The following ITPRID1 variants were observed in gnomAD, a reference collection of about 807,000 sequenced individuals.
ITPRID1 encodes the protein ITPR interacting domain containing 1.
ITPRID1 carries 96 observed loss-of-function variants against 95.4 expected under a neutral mutation model. The ratio of observed to expected loss-of-function variants is 1.01; its 90% confidence interval spans 0.85 to 1.19. ITPRID1 has a LOEUF of 1.19. Ranked by LOEUF, ITPRID1 falls within the 50% of genes most tolerant of loss-of-function variation. ITPRID1 has a pLI of 0.00. For missense variants in ITPRID1, 1,339 were observed against 1,252.9 expected, an observed-to-expected ratio of 1.07 and a Z score of -1.04; for synonymous variants, 510 against 453.6, an observed-to-expected ratio of 1.12 and a Z score of -1.58.
chr7:31,643,844 A>G lies in ITPRID1; in HGVS notation c.2474A>G (p.Glu825Gly). The change falls in exon 12 of 15, where the codon GAA becomes GGA. Residue 825 changes from glutamate to glycine, a missense_variant. Coordinates refer to ENST00000615280, the MANE Select transcript of ITPRID1 (RefSeq NM_001257967.3). ...CHGERQSPGP[E>G]PSVCRHCLCS... ...GGGGAGAGGCAAAGCCCTGGCCCTG[A>G]ACCCTCAGTCTGTAGGCACTGCCTG... 6.2e-7 allele frequency: 1 copy of G among 1,613,922 alleles called. No individual in the cohort carries two copies. The highest frequency in any genetic ancestry group is 8.5e-7 in the Non-Finnish European group (1 of 1,179,884).
chr7:31,579,065 T>C (rs1785302653), intron 9 of ITPRID1, among the ~76,000 whole-genome samples: 1 of 152,242 alleles, frequency 6.6e-6, no homozygotes, highest in Non-Finnish European at 1.5e-5. Flanking sequence ...GATTTTCACA[T>C]AGCTTGACCT....
At chr7:31,535,273 G>A (rs1783724019) in intron 1 of ITPRID1, among the ~76,000 whole-genome samples, 1 of 151,848 alleles carries the variant, frequency 6.6e-6, no homozygotes, top group African/African-American at 2.4e-5. Context: ...GGTATACTTC[G>A]AAATATCACT....
chr7:31,646,473 C>G (rs1290774339), intron 12 of ITPRID1, among the ~76,000 whole-genome samples: 3 of 152,110 alleles, frequency 2.0e-5, no homozygotes, highest in African/African-American at 7.2e-5. Context: ...GGGGAAAAGG[C>G]ACAGGAACCC....
chr7:31,588,439 T>C (rs1225725890), intron 10 of ITPRID1, among the ~76,000 whole-genome samples: 3 of 151,806 alleles, frequency 2.0e-5, no homozygotes, highest in Non-Finnish European at 4.4e-5. Flanking sequence ...GATACCAGCC[T>C]GGCCAATACG....
chr7:31,548,671 C>T (rs908336997), intron 1 of ITPRID1, among the ~76,000 whole-genome samples: 3 of 152,074 alleles, frequency 2.0e-5, no homozygotes, highest in Non-Finnish European at 2.9e-5. Flanking sequence ...GGCCCAACAG[C>T]ATGATGTGAT....
chr7:31,605,137 C>CAA (rs11462101), intron 10 of ITPRID1, among the ~76,000 whole-genome samples: 230 of 146,402 alleles, frequency 1.6e-3, no homozygotes, highest in South Asian at 7.2e-3. Context: ...GACCCCATCT[C>CAA]AAAAAAAAAA....
chr7:31,636,896 C>T (rs1434885812), intron 10 of ITPRID1, among the ~76,000 whole-genome samples: 4 of 123,764 alleles, frequency 3.2e-5, no homozygotes, highest in South Asian at 3.4e-4. Flanking sequence ...TCCCCCCACC[C>T]GACAACAGTC....
At chr7:31,628,529 C>T (rs1339519019) in intron 10 of ITPRID1, among the ~76,000 whole-genome samples, 1 of 151,446 alleles carries the variant, frequency 6.6e-6, no homozygotes, top group Non-Finnish European at 1.5e-5. Flanking sequence ...GCGACCTCAG[C>T]TCACTGCAAG....
intron 8 of ITPRID1, among the ~76,000 whole-genome samples, chr7:31,575,258 A>G (rs533289807): frequency 6.6e-6 from 1 of 152,374 alleles, no homozygotes; most frequent in African/African-American, 2.4e-5. Context: ...GACAAGGATT[A>G]TCATGAATCA....
In ITPRID1 at chr7:31,651,404, G is replaced by T. The variant is rs1583755025; in HGVS notation, c.2711+135G>T. 20 of 1,071,416 alleles carry T rather than the reference G, an allele frequency of 1.9e-5. No homozygotes were observed. In the East Asian group the frequency reaches 5.6e-4, roughly 30 times the overall value. The allele number at this position is 1,071,416 out of a possible 1,614,324, so 66.4% of individuals were successfully genotyped here. A position where few individuals can be genotyped will look rare whatever the true frequency, so the allele number is the denominator to read the frequency against. ...CGGCCAGCTTTTCCTTTGCTTTCTT[G>T]GTCTTGTTCTTGCTTTCTCAGTGGG... is the stretch of plus-strand genomic sequence containing the variant. On this transcript the variant is annotated intron_variant, in intron 13 of 14. Transcript: ENST00000615280.
chr7:31,654,985 G>A lies in ITPRID1; in HGVS notation c.*2156G>A, dbSNP rs1791226741. Reference sequence around the variant, plus strand: ...CATGGACTTAACATTCTCAGAGCGTGGACATCCCCATTCTGTCCTGAATTC... The same window carrying A: ...CATGGACTTAACATTCTCAGAGCGTAGACATCCCCATTCTGTCCTGAATTC... On this transcript the variant is annotated 3_prime_UTR_variant, in exon 15 of 15. Transcript: ENST00000615280. Among the ~76,000 whole-genome samples, 1 of 152,024 alleles carries A rather than the reference G, an allele frequency of 6.6e-6. No individual in the cohort carries two copies. The highest frequency in any genetic ancestry group is 2.4e-5 in the African/African-American group (1 of 41,392).
chr7:31,591,159 T>TTATA (rs1196548226), intron 10 of ITPRID1, among the ~76,000 whole-genome samples: 1 of 152,220 alleles, frequency 6.6e-6, no homozygotes, highest in Non-Finnish European at 1.5e-5. Flanking sequence ...ATTTCATCAA[T>TTATA]TATAAGATGA....
intron 10 of ITPRID1, among the ~76,000 whole-genome samples, chr7:31,628,452 TTTTTTTTTC>T (rs1265080798): frequency 6.7e-6 from 1 of 148,866 alleles, no homozygotes; most frequent in Non-Finnish European, 1.5e-5. Flanking sequence ...TGATTCCTTT[TTTTTTTTTC>T]TTTTTTTTTC....
At chr7:31,564,235 A>G (rs1169276000) in intron 5 of ITPRID1, among the ~76,000 whole-genome samples, 3 of 152,138 alleles carry the variant, frequency 2.0e-5, no homozygotes, top group African/African-American at 7.2e-5. Context: ...AGATGGCAGA[A>G]GTCCACCTAA....
At chr7:31,587,995 A>G (rs1785693632) in intron 10 of ITPRID1, among the ~76,000 whole-genome samples, 1 of 152,202 alleles carries the variant, frequency 6.6e-6, no homozygotes, top group Non-Finnish European at 1.5e-5. Flanking sequence ...TTAGGAATTA[A>G]TATTCTCAGT....
chr7:31,599,923 C>T (rs1562599447), intron 10 of ITPRID1, among the ~76,000 whole-genome samples: 1 of 152,006 alleles, frequency 6.6e-6, no homozygotes, highest in African/African-American at 2.4e-5. Flanking sequence ...TGGTCTGGAT[C>T]TCCTGACCTC....
rs139494738 is a variant in ITPRID1, at chr7:31,562,195, G to A, written c.256+7294G>A. 2.8e-3 allele frequency among the ~76,000 whole-genome samples: 433 copies of A among 152,186 alleles called. 1 individual carries two copies. The highest frequency in any genetic ancestry group is 5.1e-3 in the Non-Finnish European group (349 of 68,002). On this transcript the variant is annotated intron_variant, in intron 5 of 14. Transcript: ENST00000615280. ...TGCCAGGATTATAATGCGAGTGAGA[G>A]TGCATTGTCATTATAATGCAAGGAT...
At chr7:31,603,599 A>G (rs1786491682) in intron 10 of ITPRID1, among the ~76,000 whole-genome samples, 1 of 152,208 alleles carries the variant, frequency 6.6e-6, no homozygotes, top group South Asian at 2.1e-4. Context: ...TACTTCCATA[A>G]GGACACTGTA....
chr7:31,522,579 C>A (rs887323215), intron 1 of ITPRID1, among the ~76,000 whole-genome samples: 1 of 152,184 alleles, frequency 6.6e-6, no homozygotes, highest in Non-Finnish European at 1.5e-5. Flanking sequence ...GGGACAGATG[C>A]ATTCTTTCGA....
Sources: gnomAD v4.1 joint callset for allele counts (sites outside exome capture counted in the v4.1 genomes callset) on GRCh38, gnomAD v4.1.1 for gene constraint, MANE v1.5 for transcripts, NCBI Gene and HGNC (gene_info 2026-07-23, HGNC 2026-07-21) for gene names.